OSBPL10: variants seen among roughly 807,000 people sequenced by gnomAD.
The protein encoded by OSBPL10 is oxysterol binding protein like 10, also known as oxysterol-binding protein-related protein 10.
OSBPL10 carries 49 observed loss-of-function variants against 81.7 expected under a neutral mutation model. The observed-to-expected ratio is 0.60, with a 90% confidence interval of 0.48 to 0.76. The LOEUF is 0.76. OSBPL10 is among the 30% of genes least tolerant of loss of function. The pLI, the probability that OSBPL10 is intolerant of heterozygous loss-of-function variation, is 0.00. For synonymous variants in OSBPL10, 419 were observed against 383.6 expected, an observed-to-expected ratio of 1.09 and a Z score of -1.08; for missense variants, 923 against 987.8, an observed-to-expected ratio of 0.93 and a Z score of 0.88.
At chr3:31,994,649 G>C (rs984040872) in intron 2 of OSBPL10, among the ~76,000 whole-genome samples, 2 of 152,142 alleles carry the variant, frequency 1.3e-5, no homozygotes, top group Admixed American at 1.3e-4. Flanking sequence ...ACAGTAATGT[G>C]AGCATTTGAT....
intron 6 of OSBPL10, among the ~76,000 whole-genome samples, chr3:31,719,938 C>T (rs976945363): frequency 1.3e-5 from 2 of 151,632 alleles, no homozygotes; most frequent in Admixed American, 6.6e-5. Context: ...ACAATCTCTA[C>T]GTACTGACAA....
chr3:31,985,684 A>T (rs1198981719), upstream of OSBPL10, among the ~76,000 whole-genome samples: 1 of 152,248 alleles, frequency 6.6e-6, no homozygotes, highest in Non-Finnish European at 1.5e-5. Flanking sequence ...AGAGAAAATT[A>T]TCACAACCAG....
At chr3:31,712,793 A>T (rs1696302539) in intron 6 of OSBPL10, among the ~76,000 whole-genome samples, 1 of 152,264 alleles carries the variant, frequency 6.6e-6, no homozygotes, top group South Asian at 2.1e-4. Flanking sequence ...GCCATCTCAG[A>T]CTTACTGTGT....
intron 4 of OSBPL10, among the ~76,000 whole-genome samples, chr3:31,810,043 G>A (rs930663125): frequency 1.7e-4 from 26 of 151,930 alleles, no homozygotes; most frequent in South Asian, 1.0e-3. Flanking sequence ...GGCTAATTTC[G>A]TATCTTTGAT....
intron 1 of OSBPL10, among the ~76,000 whole-genome samples, chr3:31,967,367 C>A (rs921177545): frequency 2.6e-5 from 4 of 152,112 alleles, no homozygotes; most frequent in African/African-American, 4.8e-5. Flanking sequence ...GTAGCCCCAG[C>A]CACTTGGGAG....
chr3:31,978,265 T>C (rs1185158885), intron 1 of OSBPL10, among the ~76,000 whole-genome samples: 3 of 152,140 alleles, frequency 2.0e-5, no homozygotes, highest in Non-Finnish European at 4.4e-5. Flanking sequence ...CAAAGGAAGA[T>C]GCTATGAGGC....
intron 4 of OSBPL10, among the ~76,000 whole-genome samples, chr3:31,820,325 G>A (rs989693449): frequency 5.3e-5 from 8 of 152,268 alleles, no homozygotes; most frequent in African/African-American, 1.4e-4. Flanking sequence ...AGCTGGGCAC[G>A]GTGGCTCACG....
intron 3 of OSBPL10, among the ~76,000 whole-genome samples, chr3:31,864,248 G>GT (rs1192380174): frequency 6.6e-6 from 1 of 152,108 alleles, no homozygotes; most frequent in African/African-American, 2.4e-5. Context: ...TCTGTTTCTT[G>GT]TTTTTTGAGA....
intron 6 of OSBPL10, among the ~76,000 whole-genome samples, chr3:31,731,300 C>T (rs527520194): frequency 3.9e-5 from 6 of 152,198 alleles, no homozygotes; most frequent in Middle Eastern, 3.4e-3. Context: ...CACCATTCTA[C>T]TCCATAAGAC....
At chr3:31,895,426 C>T (rs552304487) in intron 1 of OSBPL10, among the ~76,000 whole-genome samples, 17 of 152,038 alleles carry the variant, frequency 1.1e-4, no homozygotes, top group South Asian at 8.3e-4. Flanking sequence ...CATGAGCCAC[C>T]GCACCCAGCC....
At chr3:31,889,212 C>G (rs992764490) in intron 1 of OSBPL10, among the ~76,000 whole-genome samples, 8 of 152,078 alleles carry the variant, frequency 5.3e-5, no homozygotes, top group South Asian at 4.1e-4. Context: ...GGAACGTAAA[C>G]CAGTATAGCA....
In OSBPL10 at chr3:31,812,838, AAGAAAGAACGAACTT is replaced by A. The variant is rs1559476596; in HGVS notation, c.729+17187_729+17201del. Reference sequence around the variant, plus strand: ...AGAAAGAGAAAGAAAGAAAGAAAGAAAGAAAGAACGAACTTCTCCAATAACATGTGAGAAGGACAA... The same window carrying A: ...AGAAAGAGAAAGAAAGAAAGAAAGAACTCCAATAACATGTGAGAAGGACAA... On this transcript the variant is annotated intron_variant, in intron 4 of 11. Coordinates refer to ENST00000396556, the MANE Select transcript of OSBPL10 (RefSeq NM_017784.5). Among the ~76,000 whole-genome samples, 5 of 140,026 alleles carry A rather than the reference AAGAAAGAACGAACTT, an allele frequency of 3.6e-5. No individual in the cohort carries two copies. In the East Asian group the frequency reaches 9.5e-4, roughly 27 times the overall value. 91.9% of individuals were successfully genotyped at this position (140,026 alleles called of 152,430 possible).
intron 1 of OSBPL10, among the ~76,000 whole-genome samples, chr3:31,898,006 C>CAAAAAAAA (rs58479197): frequency 2.9e-4 from 18 of 62,472 alleles, no homozygotes; most frequent in East Asian, 1.1e-3. Context: ...AGAACTCTGT[C>CAAAAAAAA]AAAAAAAAAA....
At chr3:31,725,928 A>G (rs1696795161) in intron 6 of OSBPL10, among the ~76,000 whole-genome samples, 1 of 152,188 alleles carries the variant, frequency 6.6e-6, no homozygotes, top group Non-Finnish European at 1.5e-5. Flanking sequence ...AGAATCACAC[A>G]TGGTGTCTTC....
At chr3:31,856,069 T>TACAC (rs10576489) in intron 3 of OSBPL10, among the ~76,000 whole-genome samples, 1,694 of 134,448 alleles carry the variant, frequency 0.013, 20 homozygotes, top group African/African-American at 0.024. Context: ...ATGTTTATAT[T>TACAC]ACACACACAC....
chr3:31,987,493 C>T (rs148300710), intron 2 of OSBPL10, among the ~76,000 whole-genome samples: 309 of 152,292 alleles, frequency 2.0e-3, no homozygotes, highest in African/African-American at 7.0e-3. Flanking sequence ...ATAAATGTGG[C>T]TCATGTACTA....
chr3:31,921,351 G>T (rs1284474010), intron 1 of OSBPL10, among the ~76,000 whole-genome samples: 4 of 152,118 alleles, frequency 2.6e-5, no homozygotes, highest in East Asian at 1.9e-4. Context: ...AAGGAGTCAG[G>T]TTCCTTGGAA....
intron 1 of OSBPL10, among the ~76,000 whole-genome samples, chr3:32,068,219 C>T (rs540993416): frequency 4.2e-4 from 64 of 152,330 alleles, no homozygotes; most frequent in African/African-American, 1.5e-3. Flanking sequence ...GTCACGGACT[C>T]GGGAAGACAG....
chr3:31,725,033 G>A (rs1285647314), intron 6 of OSBPL10, among the ~76,000 whole-genome samples: 2 of 152,152 alleles, frequency 1.3e-5, no homozygotes, highest in Admixed American at 1.3e-4. Flanking sequence ...CCTTGGAAAC[G>A]TCACTTGGTT....
Sources: gnomAD v4.1 joint callset for allele counts (sites outside exome capture counted in the v4.1 genomes callset) on GRCh38, gnomAD v4.1.1 for gene constraint, MANE v1.5 for transcripts, NCBI Gene and HGNC (gene_info 2026-07-23, HGNC 2026-07-21) for gene names.